The following GPD2 variants were observed in gnomAD, a reference collection of about 807,000 sequenced individuals.
GPD2 encodes the protein glycerol-3-phosphate dehydrogenase 2.
A neutral mutation model predicts 82.4 loss-of-function variants in GPD2; 54 were observed. The ratio of observed to expected loss-of-function variants is 0.66; its 90% confidence interval spans 0.53 to 0.82. The LOEUF (loss-of-function observed/expected upper bound fraction) is 0.82. Among genes scored for constraint, GPD2 ranks in the 40% least tolerant of loss-of-function variants. GPD2 has a pLI of 0.00. For missense variants in GPD2, 748 were observed against 896.2 expected (o/e 0.83, Z 2.11); for synonymous variants, 288 against 306.1 (o/e 0.94, Z 0.62).
chr2:156,434,467 T>TA (rs11402925), upstream of GPD2, among the ~76,000 whole-genome samples: 4,457 of 152,170 alleles, frequency 0.029, 214 homozygotes, highest in African/African-American at 0.1. Flanking sequence ...ATAATTTACA[T>TA]AAAAAAACAA....
intron 6 of GPD2, among the ~76,000 whole-genome samples, chr2:156,528,009 T>A (rs1457626107): frequency 1.3e-5 from 2 of 152,124 alleles, no homozygotes; most frequent in Non-Finnish European, 2.9e-5. Flanking sequence ...CTCAGAACCA[T>A]TTTAGTGAAA....
intron 3 of GPD2, among the ~76,000 whole-genome samples, chr2:156,509,834 C>T (rs189310465): frequency 9.6e-5 from 14 of 145,084 alleles, no homozygotes; most frequent in Non-Finnish European, 1.8e-4. Context: ...AGTGCAGTGG[C>T]ATGATCTTGG....
chr2:156,439,551 A>C (rs1682080637), intron 1 of GPD2, among the ~76,000 whole-genome samples: 1 of 139,254 alleles, frequency 7.2e-6, no homozygotes, highest in African/African-American at 2.7e-5. Flanking sequence ...AAAAAAAAAA[A>C]AACAAGCCAG....
intron 1 of GPD2, among the ~76,000 whole-genome samples, chr2:156,451,960 G>C (rs1218561431): frequency 1.3e-5 from 2 of 150,708 alleles, no homozygotes; most frequent in Non-Finnish European, 3.0e-5. Flanking sequence ...CAGACGGGGC[G>C]GCGGGGCAGA....
intron 3 of GPD2, among the ~76,000 whole-genome samples, chr2:156,508,118 C>A (rs775224036): frequency 2.6e-5 from 4 of 152,196 alleles, no homozygotes; most frequent in Admixed American, 6.5e-5. Flanking sequence ...CAGCCAGTTT[C>A]AGTAAGTCAG....
chr2:156,435,976 G>A (rs2105128507), upstream of GPD2, among the ~76,000 whole-genome samples: 1 of 152,364 alleles, frequency 6.6e-6, no homozygotes, highest in South Asian at 2.1e-4. Context: ...AGGCGGGGCG[G>A]AGGTCTGGAG....
intron 13 of GPD2, among the ~76,000 whole-genome samples, chr2:156,574,314 G>A (rs1317511524): frequency 3.3e-5 from 5 of 152,088 alleles, no homozygotes; most frequent in Non-Finnish European, 7.4e-5. Context: ...AGTTAAACAA[G>A]TAAAACCACT....
chr2:156,451,794 T>C (rs1298325293), intron 1 of GPD2, among the ~76,000 whole-genome samples: 5 of 150,634 alleles, frequency 3.3e-5, no homozygotes, highest in African/African-American at 1.2e-4. Context: ...GCGGAGACAC[T>C]CCTCACTTCC....
chr2:156,495,345 A>C (rs937004842), intron 2 of GPD2, among the ~76,000 whole-genome samples: 1 of 152,188 alleles, frequency 6.6e-6, no homozygotes, highest in Non-Finnish European at 1.5e-5. Flanking sequence ...ATGAAGCCCC[A>C]TATCAAAAAA....
chr2:156,531,590 C>G (rs991434078), intron 6 of GPD2, among the ~76,000 whole-genome samples: 1 of 152,214 alleles, frequency 6.6e-6, no homozygotes. Flanking sequence ...CCACAGATGT[C>G]GTGTGGCACC....
chr2:156,469,609 A>G (rs940713486), intron 1 of GPD2, among the ~76,000 whole-genome samples: 3 of 152,214 alleles, frequency 2.0e-5, no homozygotes, highest in African/African-American at 7.2e-5. Flanking sequence ...ATGGGAGTGC[A>G]ATATGGGATG....
the GPD2 span, among the ~76,000 whole-genome samples, chr2:156,422,263 A>C: frequency 6.6e-6 from 1 of 152,176 alleles, no homozygotes; most frequent in Non-Finnish European, 1.5e-5. Flanking sequence ...CCTCTCCTCA[A>C]ATCTTGTCAT....
At chr2:156,464,578 T>C (rs1281093298) in intron 1 of GPD2, among the ~76,000 whole-genome samples, 1 of 152,210 alleles carries the variant, frequency 6.6e-6, no homozygotes, top group Non-Finnish European at 1.5e-5. Flanking sequence ...CTTCTTGATC[T>C]CTTATAACTC....
chr2:156,456,429 C>G lies in GPD2; in HGVS notation c.-8-19669C>G, dbSNP rs116827594. On this transcript the variant is annotated intron_variant, in intron 1 of 16. Coordinates refer to ENST00000438166, the MANE Select transcript of GPD2 (RefSeq NM_000408.5). ...GACCAGTCTGGCCAATATGACGAAA[C>G]CTTGTCTCTACAAAAATACAAAAAC... is the stretch of plus-strand genomic sequence containing the variant. Among the ~76,000 whole-genome samples the G allele has an allele frequency of 3.9e-4, 59 of 152,046 alleles. 1 individual carries two copies. Among genetic ancestry groups the G allele is most frequent in the Middle Eastern group, 6.8e-3 (2 of 294 alleles).
chr2:156,544,394 A>G (rs1573983920), intron 6 of GPD2, among the ~76,000 whole-genome samples: 2 of 152,296 alleles, frequency 1.3e-5, no homozygotes, highest in Admixed American at 1.3e-4. Flanking sequence ...AAACAATTTC[A>G]CATGGGTGAG....
chr2:156,553,799 A>T (rs948713365), intron 8 of GPD2, among the ~76,000 whole-genome samples: 2 of 152,214 alleles, frequency 1.3e-5, no homozygotes, highest in African/African-American at 4.8e-5. Flanking sequence ...TTAAGAATAA[A>T]GGTATATATT....
At chr2:156,480,929 GA>G (rs1384552528) in intron 2 of GPD2, among the ~76,000 whole-genome samples, 2 of 151,206 alleles carry the variant, frequency 1.3e-5, no homozygotes, top group Non-Finnish European at 3.0e-5. Context: ...CAAGCACCCT[GA>G]TTCTAAGAAG....
chr2:156,450,808 C>G (rs1344919346), intron 1 of GPD2, among the ~76,000 whole-genome samples: 6 of 116,436 alleles, frequency 5.2e-5, no homozygotes. Flanking sequence ...GAGGACCCTG[C>G]GGCCTTCCGC....
chr2:156,413,085 A>C, the GPD2 span, among the ~76,000 whole-genome samples: 1 of 151,570 alleles, frequency 6.6e-6, no homozygotes, highest in African/African-American at 2.4e-5. Context: ...TGACAGAGCA[A>C]GACACTGTCT....
Sources: gnomAD v4.1 joint callset for allele counts (sites outside exome capture counted in the v4.1 genomes callset) on GRCh38, gnomAD v4.1.1 for gene constraint, MANE v1.5 for transcripts, NCBI Gene and HGNC (gene_info 2026-07-23, HGNC 2026-07-21) for gene names.